Variants in GBA2 observed in about 807,000 individuals in gnomAD.
The protein encoded by GBA2 is glucosylceramidase beta 2, also known as non-lysosomal glucosylceramidase.
In GBA2, 79 loss-of-function variants were observed where a neutral mutation model predicts 112.9. That is an observed-to-expected ratio of 0.70 (90% CI 0.58 to 0.84). GBA2 has a LOEUF of 0.84. GBA2 is among the 40% of genes least tolerant of loss of function. The probability of loss-of-function intolerance (pLI) is 0.00; values close to 1 mark genes in which losing one functional copy is unlikely to be tolerated. For missense variants in GBA2, 1,043 were observed against 1,190.0 expected, an observed-to-expected ratio of 0.88 and a Z score of 1.82; for synonymous variants, 403 against 434.3, an observed-to-expected ratio of 0.93 and a Z score of 0.90.
In GBA2 at chr9:35,740,112, CT is replaced by C; in HGVS notation, c.1294del (p.Arg432GlyfsTer140). The C allele has an allele frequency of 6.2e-7, 1 of 1,614,128 alleles. No homozygotes were observed. The highest frequency in any genetic ancestry group is 1.1e-5 in the South Asian group (1 of 91,080). ...TGCATCTCCATCCTGGCCAAAGAAC[CT>C]TGTATACCGCCTGGGGTGGGAAGGG... ...KGQVHYRRYT[R>X]FFGQDGDAAP... On this transcript the variant is annotated frameshift_variant, in exon 8 of 17. Coordinates refer to ENST00000378103, the MANE Select transcript of GBA2 (RefSeq NM_020944.3). LOFTEE classifies it high-confidence loss of function. The surrounding 1 kb of genome is among the most constrained non-coding windows in gnomAD (Gnocchi z 4.7).
chr9:35,743,414 C>T (rs1826809727), intron 3 of GBA2: 2 of 153,412 alleles, frequency 1.3e-5, no homozygotes, highest in African/African-American at 4.8e-5. Flanking sequence ...CAGTGTCTAG[C>T]ACATGTTAAG....
At chr9:35,743,948 C>A (rs1826838576) in intron 3 of GBA2, among the ~76,000 whole-genome samples, 1 of 152,012 alleles carries the variant, frequency 6.6e-6, no homozygotes. Flanking sequence ...CTTTTCCCTT[C>A]CAGTCCTACA....
intron 3 of GBA2, among the ~76,000 whole-genome samples, chr9:35,742,547 T>C (rs1563964625): frequency 1.3e-5 from 2 of 152,216 alleles, no homozygotes; most frequent in African/African-American, 4.8e-5. Context: ...TGTATTATGT[T>C]ATAATGTATT....
In GBA2 at chr9:35,738,020, TC is replaced by T; in HGVS notation, c.2313+16del. ...AAAACCCATTTTTCTCTCTGGCTGC[TC>T]CTCCTCCTCTCTCACCTCAGTGTCT... On this transcript the variant is annotated intron_variant, in intron 15 of 16. Coordinates refer to ENST00000378103, the MANE Select transcript of GBA2 (RefSeq NM_020944.3). 6.3e-7 allele frequency: 1 copy of T among 1,593,198 alleles called. No individual in the cohort carries two copies. The highest frequency in any genetic ancestry group is 8.6e-7 in the Non-Finnish European group (1 of 1,165,570).
At chr9:35,747,072 T>G (rs1236684710) in intron 1 of GBA2, among the ~76,000 whole-genome samples, 12 of 152,140 alleles carry the variant, frequency 7.9e-5, no homozygotes, top group African/African-American at 2.9e-4. Flanking sequence ...GAGTTATCAC[T>G]TAGAATTCTT....
rs1826361448 is a variant in GBA2, at chr9:35,738,157, A to G, written c.2198-5T>C. 1 of 1,613,542 alleles carries G rather than the reference A, an allele frequency of 6.2e-7. No homozygotes were observed. The highest frequency in any genetic ancestry group is 8.5e-7 in the Non-Finnish European group (1 of 1,179,434). ...TGTCATAGTTGTAATAGCGGCCTGG[A>G]GTCGAGGAAGAGAAAAATAAGGCTC... On this transcript the variant is annotated splice_region_variant and splice_polypyrimidine_tract_variant and intron_variant, in intron 14 of 16. Coordinates refer to ENST00000378103, the MANE Select transcript of GBA2 (RefSeq NM_020944.3).
rs780264254 is a variant in GBA2 at position 35,744,712 on chromosome 9, G to A, written c.360-6C>T. The A allele has an allele frequency of 1.1e-5, 17 of 1,552,868 alleles. No homozygotes were observed. In the African/African-American group the frequency reaches 2.2e-4, roughly 20 times the overall value. On this transcript the variant is annotated splice_polypyrimidine_tract_variant and splice_region_variant and intron_variant, in intron 1 of 16. Coordinates refer to ENST00000378103, the MANE Select transcript of GBA2 (RefSeq NM_020944.3). ...GGTACCACCACTGCAGGTACCTGAG[G>A]AGCAAGAGGCAATGTGAGTGGAAGG... is the stretch of plus-strand genomic sequence containing the variant.
In GBA2 at chr9:35,741,725, T is replaced by A. The variant is rs2131984138; in HGVS notation, c.733A>T (p.Asn245Tyr). The stretch of plus-strand genomic sequence containing the variant: ...ATCTGACGGCAGGTGAGGGTGACAT[T>A]CTGGCCAGGAAGCTGATAGACAGTC... The part of the protein sequence containing the change: ...AWTVYQLPGQ[N>Y]VTLTCRQITP... Residue 245 changes from asparagine (N) to tyrosine (Y), a missense_variant, in exon 4 of 17, where the codon AAT becomes TAT. Asn to Tyr is a moderately radical substitution (Grantham distance 143). Coordinates refer to ENST00000378103, the MANE Select transcript of GBA2 (RefSeq NM_020944.3). This position sits in a 1 kb window ranked among gnomAD's most constrained non-coding sequence, Gnocchi z 4.6. The A allele has an allele frequency of 6.2e-7, 1 of 1,614,008 alleles. No homozygotes were observed. The highest frequency in any genetic ancestry group is 8.5e-7 in the Non-Finnish European group (1 of 1,179,942).
intron 1 of GBA2, among the ~76,000 whole-genome samples, chr9:35,745,812 T>C (rs555802803): frequency 6.6e-6 from 1 of 152,328 alleles, no homozygotes; most frequent in South Asian, 2.1e-4. Flanking sequence ...TGCCAGACTC[T>C]TTCCCATTTC....
Position 35,740,081 on chromosome 9 carries a change from A to G in GBA2, c.1326T>C (p.Pro442=), listed in dbSNP as rs764055501. The change falls in exon 8 of 17, where the codon CCT becomes CCC. Residue 442 remains proline (P), a synonymous_variant. Transcript: ENST00000378103. The surrounding 1 kb of genome is among the most constrained non-coding windows in gnomAD (Gnocchi z 4.7). ...RFFGQDGDAA[P]ALSHYALCRY... ...GGCACAGTGCATAGTGGCTGAGGGC[A>G]GGTGCTGCATCTCCATCCTGGCCAA... is the stretch of plus-strand genomic sequence containing the variant. The G allele has an allele frequency of 6.2e-7, 1 of 1,614,100 alleles. No homozygotes were observed. The highest frequency in any genetic ancestry group is 1.1e-5 in the South Asian group (1 of 91,076).
At chr9:35,742,062 ATC>A in intron 3 of GBA2, 172 bp from the exon 4 acceptor site, 1 of 632,536 alleles carries the variant, frequency 1.6e-6, no homozygotes. Context: ...CTACCTCCCC[ATC>A]CATCTATCTC....
chr9:35,740,171 C>T lies in GBA2; in HGVS notation c.1283+38G>A, dbSNP rs1826562740. 1 of 1,613,952 alleles carries T rather than the reference C, an allele frequency of 6.2e-7. No homozygotes were observed. The highest frequency in any genetic ancestry group is 8.5e-7 in the Non-Finnish European group (1 of 1,179,868). On this transcript the variant is annotated intron_variant, in intron 7 of 16. Transcript: ENST00000378103. The surrounding 1 kb of genome is among the most constrained non-coding windows in gnomAD (Gnocchi z 4.7). ...GAACACAAGCCCCAGGTCAGAGCCC[C>T]AGCACTCTGGATCCTTACACTTTCT...
chr9:35,748,454 A>G lies in GBA2; in HGVS notation c.251T>C (p.Phe84Ser), dbSNP rs761678152. The G allele has an allele frequency of 6.2e-7, 1 of 1,614,014 alleles. No homozygotes were observed. The highest frequency in any genetic ancestry group is 8.5e-7 in the Non-Finnish European group (1 of 1,180,000). ...GKAMGYQVPP[F>S]GWRICLAHEF... ...ATGAGCCAGACAGATGCGCCAGCCA[A>G]AGGGAGGCACCTGGTAGCCCATAGC... Residue 84 changes from phenylalanine (F) to serine (S), a missense_variant, in exon 1 of 17, where the codon TTT (phenylalanine) becomes TCT (serine). Phe to Ser is a radical substitution (Grantham distance 155). Transcript: ENST00000378103.
rs1827128076 is a variant in GBA2 at position 35,748,644 on chromosome 9, A to T, written c.61T>A (p.Cys21Ser). Residue 21 changes from cysteine (C) to serine (S), a missense_variant, in exon 1 of 17, where the codon TGT becomes AGT. Transcript: ENST00000378103. Reference protein sequence around the residue: ...TGVPASEQISCAKEDPQVYCP... With the variant: ...TGVPASEQISSAKEDPQVYCP... ...TAAACTTGTGGATCCTCTTTGGCAC[A>T]GCTTATCTGCTCCGAGGCTGGGACG... The T allele has an allele frequency of 1.2e-6, 2 of 1,609,878 alleles. No homozygotes were observed. The highest frequency in any genetic ancestry group is 1.7e-6 in the Non-Finnish European group (2 of 1,177,094).
rs1271048706 is a variant in GBA2 at position 35,739,778 on chromosome 9, A to G, written c.1432T>C (p.Ser478Pro). The change falls in exon 9 of 17, where the codon TCT becomes CCT. Residue 478 changes from serine to proline, a missense_variant. Ser to Pro is a moderately conservative substitution (Grantham distance 74). Coordinates refer to ENST00000378103, the MANE Select transcript of GBA2 (RefSeq NM_020944.3). ...DDRSLPAWYK[S>P]ALFNELYFLA... ...AAGTATAGTTCATTGAACAGCGCAG[A>G]TTTGTACCAGGCAGGCAGTGATCTG... The G allele has an allele frequency of 2.5e-6, 4 of 1,614,014 alleles. No homozygotes were observed.
Position 35,749,177 on chromosome 9 carries a change from C to A in GBA2, c.-473G>T. On this transcript the variant is annotated 5_prime_UTR_variant, in exon 1 of 17. Transcript: ENST00000378103. This position sits in a 1 kb window ranked among gnomAD's most constrained non-coding sequence, Gnocchi z 4.4. ...GGCAGCGCCCGCGCCCAGGTGCCAG[C>A]CCGTGGGAAGGTGACCCTGGGCGCC... The A allele has an allele frequency of 3.0e-6, 1 of 332,782 alleles. No homozygotes were observed. Among genetic ancestry groups the A allele is most frequent in the Non-Finnish European group, 5.8e-6 (1 of 171,130 alleles). 20.6% of individuals were successfully genotyped at this position (332,782 alleles called of 1,614,324 possible).
Position 35,741,067 on chromosome 9 carries a change from G to A in GBA2, c.787-3C>T, listed in dbSNP as rs1826642380. ...ACTCCTACAGGCAGGCTGCTGTCCT[G>A]GGGGCAGAAGATTAGACTCAGACGG... is the stretch of plus-strand genomic sequence containing the variant. On this transcript the variant is annotated splice_region_variant and splice_polypyrimidine_tract_variant and intron_variant, in intron 4 of 16. Transcript: ENST00000378103. The surrounding 1 kb of genome is among the most constrained non-coding windows in gnomAD (Gnocchi z 4.6). The A allele has an allele frequency of 6.2e-7, 1 of 1,613,858 alleles. No individual in the cohort carries two copies. The highest frequency in any genetic ancestry group is 1.1e-5 in the South Asian group (1 of 91,064).
chr9:35,740,343 C>T lies in GBA2; in HGVS notation c.1149G>A (p.Gln383=). ...DSPTGQSTPT[Q]KGVGIAGAVC... ...CAGCTCCAGCAATGCCTACTCCTTT[C>T]TGCGTAGGGGTGCTTTGGCCTGAGA... Residue 383 remains glutamine (Q), a synonymous_variant, in exon 7 of 17, where the codon CAG becomes CAA. Transcript: ENST00000378103. The surrounding 1 kb of genome is among the most constrained non-coding windows in gnomAD (Gnocchi z 4.7). 1 of 1,613,476 alleles carries T rather than the reference C, an allele frequency of 6.2e-7. No individual in the cohort carries two copies.
Position 35,744,679 on chromosome 9 carries a change from G to T in GBA2, c.387C>A (p.Thr129=). ...LRYLQWWYRK[T]HVEKKTPFID... is the part of the protein sequence containing the mutation. ...TGAAAGGTGTCTTCTTTTCCACATG[G>T]GTCTTCCGGTACCACCACTGCAGGT... Residue 129 remains threonine (T), a synonymous_variant, in exon 2 of 17, where the codon ACC becomes ACA. Transcript: ENST00000378103. 6.2e-7 allele frequency: 1 copy of T among 1,607,684 alleles called. No homozygotes were observed. The highest frequency in any genetic ancestry group is 8.5e-7 in the Non-Finnish European group (1 of 1,174,114).
Sources: allele counts gnomAD v4.1 joint callset (sites outside exome capture counted in the v4.1 genomes callset), GRCh38; gene constraint gnomAD v4.1.1; non-coding constraint Gnocchi (gnomAD v3.1); transcripts MANE v1.5; gene names NCBI Gene and HGNC (gene_info 2026-07-23, HGNC 2026-07-21).